PCDHGC4: variants seen among roughly 807,000 people sequenced by gnomAD.
PCDHGC4 encodes protocadherin gamma subfamily C, 4.
A neutral mutation model predicts 59.7 loss-of-function variants in PCDHGC4; 15 were observed. That is an observed-to-expected ratio of 0.25 (90% CI 0.17 to 0.39). The LOEUF (loss-of-function observed/expected upper bound fraction) is 0.39. Among genes scored for constraint, PCDHGC4 ranks in the 10% least tolerant of loss-of-function variants. The pLI is 1.00. For missense variants in PCDHGC4, 1,016 were observed against 1,189.5 expected, an observed-to-expected ratio of 0.85 and a Z score of 2.15; for synonymous variants, 434 against 481.4, an observed-to-expected ratio of 0.90 and a Z score of 1.29.
intron 2 of PCDHGC4, among the ~76,000 whole-genome samples, chr5:141,500,508 C>T (rs2099801020): frequency 6.6e-6 from 1 of 152,078 alleles, no homozygotes; most frequent in African/African-American, 2.4e-5. Context: ...CGCGCCTGGC[C>T]GAGCTTCATT....
At position 141,487,362 on chromosome 5, in the gene PCDHGC4, C is replaced by T; in HGVS notation, c.2189C>T (p.Thr730Ile). The change falls in exon 1 of 4, where the codon ACC (threonine) becomes ATC (isoleucine). Residue 730 changes from threonine (T) to isoleucine (I), a missense_variant. Physicochemically the swap from Thr to Ile is moderately conservative, Grantham distance 89. Transcript: ENST00000306593. The surrounding 1 kb of genome is among the most constrained non-coding windows in gnomAD (Gnocchi z 5.0). ...ACGVTCFPAG[T>I]CACLTRSRRR... The stretch of plus-strand genomic sequence containing the variant: ...GGAGTCACATGCTTTCCTGCTGGCA[C>T]CTGTGCCTGTCTCACCAGATCTCGA... 3 of 1,614,200 alleles carry T rather than the reference C, an allele frequency of 1.9e-6. No homozygotes were observed. Among genetic ancestry groups the T allele is most frequent in the Non-Finnish European group, 2.5e-6 (3 of 1,180,044 alleles).
rs984222446 is a variant in PCDHGC4 at position 141,493,942 on chromosome 5, G to T, written c.2443-865G>T. ...ACACACCCCCTGGAAAGACCAGAAG[G>T]GACTCAGGAATGAAGTGGCTGGCCA... On this transcript the variant is annotated intron_variant, in intron 1 of 3. Transcript: ENST00000306593. The surrounding 1 kb of genome is among the most constrained non-coding windows in gnomAD (Gnocchi z 4.3). Among the ~76,000 whole-genome samples the T allele has an allele frequency of 1.3e-5, 2 of 152,168 alleles. No individual in the cohort carries two copies. Among genetic ancestry groups the T allele is most frequent in the Non-Finnish European group, 1.5e-5 (1 of 68,022 alleles).
At chr5:141,488,139 T>C (rs906194527) in intron 1 of PCDHGC4, among the ~76,000 whole-genome samples, 2 of 152,084 alleles carry the variant, frequency 1.3e-5, no homozygotes, top group Non-Finnish European at 2.9e-5. Context: ...AGGAGAGAAC[T>C]AAAGGAATAG....
chr5:141,490,612 C>G lies in PCDHGC4; in HGVS notation c.2442+2997C>G, dbSNP rs1393568166. ...CAATGCACCCCGCTTCAACCAGCAG[C>G]TTTACACTGCTTACATCCTAGAAAA... On this transcript the variant is annotated intron_variant, in intron 1 of 3. Coordinates refer to ENST00000306593, the MANE Select transcript of PCDHGC4 (RefSeq NM_018928.3). This position sits in a 1 kb window ranked among gnomAD's most constrained non-coding sequence, Gnocchi z 5.4. The G allele has an allele frequency of 6.2e-7, 1 of 1,614,082 alleles. No homozygotes were observed. Among genetic ancestry groups the G allele is most frequent in the Non-Finnish European group, 8.5e-7 (1 of 1,180,032 alleles).
chr5:141,494,845 C>G lies in PCDHGC4; in HGVS notation c.2481C>G (p.Ala827=), dbSNP rs747484430. The part of the protein sequence containing the change: ...PPNTDWRFSQ[A]QRPGTSGSQN... Reference sequence around the variant, plus strand: ...ACACGGACTGGCGTTTCTCTCAGGCCCAGAGACCCGGCACCAGCGGGTAGG... The same window carrying G: ...ACACGGACTGGCGTTTCTCTCAGGCGCAGAGACCCGGCACCAGCGGGTAGG... The change falls in exon 2 of 4, where the codon GCC becomes GCG. Residue 827 remains alanine, a synonymous_variant. Transcript: ENST00000306593. 1.2e-6 allele frequency: 2 copies of G among 1,614,144 alleles called. No individual in the cohort carries two copies. The highest frequency in any genetic ancestry group is 1.7e-6 in the Non-Finnish European group (2 of 1,180,028).
rs771804151 is a variant in PCDHGC4, at chr5:141,486,704, A to G, written c.1531A>G (p.Asn511Asp). The change falls in exon 1 of 4, where the codon AAC (asparagine) becomes GAC (aspartate). Residue 511 changes from asparagine (N) to aspartate (D), a missense_variant. Coordinates refer to ENST00000306593, the MANE Select transcript of PCDHGC4 (RefSeq NM_018928.3). The surrounding 1 kb of genome is among the most constrained non-coding windows in gnomAD (Gnocchi z 5.0). ...DVSASSFISLNPQTGAVHATR... is the reference protein window; with the variant it reads ...DVSASSFISLDPQTGAVHATR... ...ATCAGCTTCCTCTTTCATCTCTCTG[A>G]ACCCCCAGACAGGAGCTGTTCATGC... 2.2e-5 allele frequency: 35 copies of G among 1,614,016 alleles called. No homozygotes were observed. Among genetic ancestry groups the G allele is most frequent in the Non-Finnish European group, 2.7e-5 (32 of 1,180,032 alleles).
Position 141,490,826 on chromosome 5 carries a change from T to A in PCDHGC4, c.2442+3211T>A, listed in dbSNP as rs1195265146. ...ACCTTTGACTATGAATTGCTGCAGA[T>A]GCTGCAGATTGTGGTGGGGGTTCGA... On this transcript the variant is annotated intron_variant, in intron 1 of 3. Coordinates refer to ENST00000306593, the MANE Select transcript of PCDHGC4 (RefSeq NM_018928.3). The surrounding 1 kb of genome is among the most constrained non-coding windows in gnomAD (Gnocchi z 5.4). 6.2e-7 allele frequency: 1 copy of A among 1,613,736 alleles called. No homozygotes were observed. The highest frequency in any genetic ancestry group is 8.5e-7 in the Non-Finnish European group (1 of 1,179,796).
At position 141,486,548 on chromosome 5, in the gene PCDHGC4, T is replaced by C; in HGVS notation, c.1375T>C (p.Ser459Pro). 1 of 1,614,100 alleles carries C rather than the reference T, an allele frequency of 6.2e-7. No individual in the cohort carries two copies. ...NDNPPSFFQRSHEVFVPENNR... is the reference protein window; with the variant it reads ...NDNPPSFFQRPHEVFVPENNR... ...TAATCCACCCTCTTTCTTTCAGAGG[T>C]CACATGAGGTGTTTGTTCCTGAGAA... is the stretch of plus-strand genomic sequence containing the variant. The change falls in exon 1 of 4, where the codon TCA becomes CCA. Residue 459 changes from serine to proline, a missense_variant. Coordinates refer to ENST00000306593, the MANE Select transcript of PCDHGC4 (RefSeq NM_018928.3). The surrounding 1 kb of genome is among the most constrained non-coding windows in gnomAD (Gnocchi z 5.0).
Position 141,487,831 on chromosome 5 carries a change from A to G in PCDHGC4, c.2442+216A>G, listed in dbSNP as rs1001896359. ...TTAGCATTGGGGGCGGGTCATGCCTATATCTGAGTAAGAAATGAAAGTAAT... is the reference window on the plus strand; with the variant it reads ...TTAGCATTGGGGGCGGGTCATGCCTGTATCTGAGTAAGAAATGAAAGTAAT... On this transcript the variant is annotated intron_variant, in intron 1 of 3. Transcript: ENST00000306593. This position sits in a 1 kb window ranked among gnomAD's most constrained non-coding sequence, Gnocchi z 5.0. The G allele has an allele frequency of 1.1e-5, 13 of 1,144,204 alleles. No homozygotes were observed. Among genetic ancestry groups the G allele is most frequent in the Non-Finnish European group, 1.6e-5 (13 of 818,302 alleles). 70.9% of individuals were successfully genotyped at this position (1,144,204 alleles called of 1,614,324 possible). A position where few individuals can be genotyped will look rare whatever the true frequency, so the allele number is the denominator to read the frequency against.
intron 3 of PCDHGC4, among the ~76,000 whole-genome samples, chr5:141,506,877 G>A (rs998146154): frequency 1.3e-5 from 2 of 152,142 alleles, no homozygotes; most frequent in Non-Finnish European, 2.9e-5. Flanking sequence ...AGAGAACCAG[G>A]TGAAATCACA....
chr5:141,506,162 C>T (rs1448735916), intron 3 of PCDHGC4, among the ~76,000 whole-genome samples: 1 of 152,124 alleles, frequency 6.6e-6, no homozygotes, highest in Non-Finnish European at 1.5e-5. Flanking sequence ...CTTAAGAGCA[C>T]AGCCTAAGCT....
intron 3 of PCDHGC4, 120 bp downstream of exon 3, chr5:141,505,601 C>T (rs1171679451): frequency 6.4e-7 from 1 of 1,550,630 alleles, no homozygotes; most frequent in Non-Finnish European, 8.7e-7. Flanking sequence ...GATCTTTCGG[C>T]AGGTCTGAAA....
Position 141,490,070 on chromosome 5 carries a change from T to C in PCDHGC4, c.2442+2455T>C, listed in dbSNP as rs2099695766. ...CCAGACGAGGGCACCAACGGCCAAC[T>C]AGACTATTCTTTTGGAGACCACACA... On this transcript the variant is annotated intron_variant, in intron 1 of 3. Transcript: ENST00000306593. The surrounding 1 kb of genome is among the most constrained non-coding windows in gnomAD (Gnocchi z 5.4). The C allele has an allele frequency of 6.2e-7, 1 of 1,614,198 alleles. No individual in the cohort carries two copies.
chr5:141,485,279 C>T lies in PCDHGC4; in HGVS notation c.106C>T (p.Pro36Ser). 1 of 1,614,108 alleles carries T rather than the reference C, an allele frequency of 6.2e-7. No individual in the cohort carries two copies. Among genetic ancestry groups the T allele is most frequent in the Non-Finnish European group, 8.5e-7 (1 of 1,179,966 alleles). ...TTGTGGGCAGATCCGCTACCCGGTC[C>T]CAGAGGAGTCACAGGAAGGGACTTT... ...YVCGQIRYPV[P>S]EESQEGTFVG... The change falls in exon 1 of 4, where the codon CCA becomes TCA. Residue 36 changes from proline (P) to serine (S), a missense_variant. Transcript: ENST00000306593. The surrounding 1 kb of genome is among the most constrained non-coding windows in gnomAD (Gnocchi z 5.7).
In PCDHGC4 at chr5:141,491,561, A is replaced by G. The variant is rs1289732955; in HGVS notation, c.2443-3246A>G. ...CCCACAGACTCGCAGAGCCACTGCT[A>G]CAGGACGTGCTTTTCACCGGCCTCG... On this transcript the variant is annotated intron_variant, in intron 1 of 3. Transcript: ENST00000306593. The surrounding 1 kb of genome is among the most constrained non-coding windows in gnomAD (Gnocchi z 6.9). The G allele has an allele frequency of 6.2e-7, 1 of 1,613,938 alleles. No homozygotes were observed. Among genetic ancestry groups the G allele is most frequent in the Non-Finnish European group, 8.5e-7 (1 of 1,180,018 alleles).
Position 141,503,868 on chromosome 5 carries a change from G to A in PCDHGC4, c.2502-1525G>A, listed in dbSNP as rs928240898. Among the ~76,000 whole-genome samples, 24 of 152,202 alleles carry A rather than the reference G, an allele frequency of 1.6e-4. No individual in the cohort carries two copies. The South Asian group carries it at 4.1e-3, about 26-fold the overall frequency. ...TTGGAAAAATTGTAAAGCAGTTCTT[G>A]GTTGTGCTCACCCACCATGACAAAA... On this transcript the variant is annotated intron_variant, in intron 2 of 3. Coordinates refer to ENST00000306593, the MANE Select transcript of PCDHGC4 (RefSeq NM_018928.3).
At chr5:141,504,302 C>T (rs969760258) in intron 2 of PCDHGC4, among the ~76,000 whole-genome samples, 9 of 152,004 alleles carry the variant, frequency 5.9e-5, no homozygotes, top group African/African-American at 1.5e-4. Context: ...TTTCAACACT[C>T]GGAGTTTCTA....
intron 1 of PCDHGC4, 88 bp from the exon 2 acceptor site, chr5:141,494,719 C>T: frequency 6.2e-7 from 1 of 1,605,960 alleles, no homozygotes; most frequent in Non-Finnish European, 8.5e-7. Flanking sequence ...CCACTCCCCT[C>T]CTTCTCTCCC....
At position 141,486,646 on chromosome 5, in the gene PCDHGC4, C is replaced by T; in HGVS notation, c.1473C>T (p.Ser491=). Residue 491 remains serine (S), a synonymous_variant, in exon 1 of 4, where the codon TCC becomes TCT. Transcript: ENST00000306593. The surrounding 1 kb of genome is among the most constrained non-coding windows in gnomAD (Gnocchi z 5.0). ...ACTCTGGCTTGAATGCGCTTATCTC[C>T]TACTCACTCCTGGAGCCCAGGAATC... is the stretch of plus-strand genomic sequence containing the variant. The part of the protein sequence containing the change: ...DPDSGLNALI[S]YSLLEPRNRD... 4.3e-6 allele frequency: 7 copies of T among 1,613,916 alleles called. No individual in the cohort carries two copies. Among genetic ancestry groups the T allele is most frequent in the African/African-American group, 1.3e-5 (1 of 75,058 alleles).
Sources: allele counts gnomAD v4.1 joint callset (sites outside exome capture counted in the v4.1 genomes callset), GRCh38; gene constraint gnomAD v4.1.1; non-coding constraint Gnocchi (gnomAD v3.1); transcripts MANE v1.5; gene names NCBI Gene and HGNC (gene_info 2026-07-23, HGNC 2026-07-21).